SLC25A26: variants seen among roughly 807,000 people sequenced by gnomAD.
SLC25A26 encodes the protein solute carrier family 25 member 26.
A neutral mutation model predicts 37.8 loss-of-function variants in SLC25A26; 36 were observed. The ratio of observed to expected loss-of-function variants is 0.95; its 90% confidence interval spans 0.73 to 1.26. The LOEUF is 1.26. SLC25A26 is among the 50% of genes most tolerant of loss of function. SLC25A26 has a pLI of 0.00. For missense variants in SLC25A26, 390 were observed against 331.1 expected (o/e 1.18, Z -1.38); for synonymous variants, 129 against 122.5 (o/e 1.05, Z -0.35).
chr3:66,171,258 T>C (rs1014611048), intron 1 of SLC25A26, among the ~76,000 whole-genome samples: 5 of 152,164 alleles, frequency 3.3e-5, no homozygotes, highest in Admixed American at 3.3e-4. Context: ...GCAATGTTTT[T>C]GTAAAAAATT....
At chr3:66,236,463 T>C in intron 1 of SLC25A26, 81 bp from the exon 2 acceptor site, 1 of 1,148,938 alleles carries the variant, frequency 8.7e-7, no homozygotes, top group African/African-American at 1.6e-5. Flanking sequence ...ACTGTCTTCC[T>C]ATCTTCGCCC....
intron 1 of SLC25A26, among the ~76,000 whole-genome samples, chr3:66,210,365 C>T (rs2071267924): frequency 6.6e-6 from 1 of 152,050 alleles, no homozygotes; most frequent in Admixed American, 6.6e-5. Flanking sequence ...AAGACAATCT[C>T]CCTTAGGAAG....
intron 1 of SLC25A26, among the ~76,000 whole-genome samples, chr3:66,166,969 G>C (rs759620733): frequency 6.6e-6 from 1 of 151,940 alleles, no homozygotes; most frequent in Non-Finnish European, 1.5e-5. Context: ...CACGAGATCT[G>C]ATGGTTTTAT....
chr3:66,169,239 T>G (rs533206332), intron 1 of SLC25A26, among the ~76,000 whole-genome samples: 14 of 152,354 alleles, frequency 9.2e-5, no homozygotes, highest in African/African-American at 3.1e-4. Flanking sequence ...TAAGTAGTTA[T>G]TAGTACTTGC....
chr3:66,253,535 A>T (rs945372450), intron 3 of SLC25A26, among the ~76,000 whole-genome samples: 1 of 152,020 alleles, frequency 6.6e-6, no homozygotes, highest in African/African-American at 2.4e-5. Flanking sequence ...TGGTCCAAAG[A>T]TAGAGCGAGG....
At chr3:66,179,210 C>T (rs2070647789) in intron 1 of SLC25A26, among the ~76,000 whole-genome samples, 1 of 152,088 alleles carries the variant, frequency 6.6e-6, no homozygotes, top group South Asian at 2.1e-4. Context: ...TGAAATTTGG[C>T]AAGTTCAAAG....
At chr3:66,276,508 C>T (rs2074152136) in intron 5 of SLC25A26, among the ~76,000 whole-genome samples, 1 of 152,068 alleles carries the variant, frequency 6.6e-6, no homozygotes, top group African/African-American at 2.4e-5. Flanking sequence ...AGAAATGGAA[C>T]TGTTTGTATG....
chr3:66,297,610 T>C (rs556614143), intron 5 of SLC25A26, among the ~76,000 whole-genome samples: 17 of 152,336 alleles, frequency 1.1e-4, no homozygotes, highest in African/African-American at 3.8e-4. Context: ...TTTTAAAAAA[T>C]AGTTGGTAAA....
intron 6 of SLC25A26, among the ~76,000 whole-genome samples, chr3:66,361,900 G>T (rs2076716161): frequency 6.6e-6 from 1 of 152,052 alleles, no homozygotes; most frequent in Admixed American, 6.5e-5. Context: ...CCAGGAGCTG[G>T]AGGTTGCAGT....
intron 1 of SLC25A26, among the ~76,000 whole-genome samples, chr3:66,207,108 T>C (rs1358483282): frequency 4.6e-5 from 7 of 151,914 alleles, no homozygotes; most frequent in African/African-American, 1.7e-4. Context: ...TAATACGATA[T>C]TTTCTTAGCT....
chr3:66,248,001 T>C (rs1157605013), intron 3 of SLC25A26, among the ~76,000 whole-genome samples: 1 of 152,234 alleles, frequency 6.6e-6, no homozygotes, highest in Non-Finnish European at 1.5e-5. Flanking sequence ...AGAAATACTT[T>C]AGTGCAATCA....
In SLC25A26 at chr3:66,263,453, C is replaced by G. The variant is rs2073613616; in HGVS notation, c.453+74C>G. 5 of 878,450 alleles carry G rather than the reference C, an allele frequency of 5.7e-6. No individual in the cohort carries two copies. The Admixed American group carries it at 9.2e-5, about 16-fold the overall frequency. 54.4% of individuals were successfully genotyped at this position (878,450 alleles called of 1,614,324 possible). A position where few individuals can be genotyped will look rare whatever the true frequency, so the allele number is the denominator to read the frequency against. ...TGTTCAGTAAATTTATACTACTTAA[C>G]AATTAGAAATATATTTGGAGAAACT... is the stretch of plus-strand genomic sequence containing the variant. On this transcript the variant is annotated intron_variant, in intron 5 of 9. Transcript: ENST00000354883.
intron 1 of SLC25A26, among the ~76,000 whole-genome samples, chr3:66,152,725 CGTT>C (rs2070225034): frequency 6.6e-6 from 1 of 152,138 alleles, no homozygotes; most frequent in Non-Finnish European, 1.5e-5. Context: ...ATTTGGCTGA[CGTT>C]GTCTATTTGC....
At position 66,335,849 on chromosome 3, in the gene SLC25A26, T is replaced by C. The variant is rs573828775; in HGVS notation, c.454-10515T>C. Among the ~76,000 whole-genome samples the C allele has an allele frequency of 3.9e-5, 6 of 152,246 alleles. No homozygotes were observed. In the South Asian group the frequency reaches 6.2e-4, roughly 16 times the overall value. ...TGCCATCTTTTGTTAACAGGGCTGC[T>C]TTCAAAGGTGCTTTTAATACTGGAT... On this transcript the variant is annotated intron_variant, in intron 5 of 9. Coordinates refer to ENST00000354883, the MANE Select transcript of SLC25A26 (RefSeq NM_001379210.1).
intron 1 of SLC25A26, among the ~76,000 whole-genome samples, chr3:66,207,536 T>C: frequency 6.6e-6 from 1 of 152,330 alleles, no homozygotes; most frequent in Admixed American, 6.5e-5. Flanking sequence ...CACAACATTG[T>C]ATATAAATTT....
At chr3:66,145,767 C>T (rs1049164078) in intron 1 of SLC25A26, among the ~76,000 whole-genome samples, 1 of 152,018 alleles carries the variant, frequency 6.6e-6, no homozygotes, top group African/African-American at 2.4e-5. Context: ...TAAAGAAAAT[C>T]GCTGAAAACT....
chr3:66,191,913 TA>T (rs1318651115), intron 1 of SLC25A26, among the ~76,000 whole-genome samples: 57 of 139,570 alleles, frequency 4.1e-4, no homozygotes, highest in East Asian at 8.5e-4. Context: ...TCTCAAATAA[TA>T]AAAAAAAAAA....
At chr3:66,358,906 T>G (rs79471815) in intron 6 of SLC25A26, among the ~76,000 whole-genome samples, 1,859 of 152,336 alleles carry the variant, frequency 0.012, 40 homozygotes, top group African/African-American at 0.042. Flanking sequence ...GTTCTGTATG[T>G]TCTATGGAAG....
intron 1 of SLC25A26, among the ~76,000 whole-genome samples, chr3:66,138,073 A>G (rs907655646): frequency 3.9e-5 from 6 of 152,070 alleles, no homozygotes; most frequent in Non-Finnish European, 8.8e-5. Context: ...ACCTCAAGTG[A>G]TCCACCCGCC....
Sources: allele counts gnomAD v4.1 joint callset (sites outside exome capture counted in the v4.1 genomes callset), GRCh38; gene constraint gnomAD v4.1.1; transcripts MANE v1.5; gene names NCBI Gene and HGNC (gene_info 2026-07-23, HGNC 2026-07-21).